WBP1L: variants seen among roughly 807,000 people sequenced by gnomAD.
WBP1L encodes WW domain binding protein 1-like.
In WBP1L, 17 loss-of-function variants were observed where a neutral mutation model predicts 33.7. The ratio of observed to expected loss-of-function variants is 0.50; its 90% CI spans 0.34 to 0.76. The LOEUF (loss-of-function observed/expected upper bound fraction) is 0.76, where lower values mean the gene tolerates loss of function less well. Among genes scored for constraint, WBP1L ranks in the 30% least tolerant of loss-of-function variants. The pLI is 0.01. For synonymous variants in WBP1L, 173 were observed against 190.8 expected (o/e 0.91, Z 0.77); for missense variants, 389 against 469.4 (o/e 0.83, Z 1.58).
At chr10:102,754,905 A>AT (rs1354618299) in intron 1 of WBP1L, among the ~76,000 whole-genome samples, 3 of 149,568 alleles carry the variant, frequency 2.0e-5, no homozygotes, top group Admixed American at 6.7e-5. Context: ...TTATTTATTT[A>AT]TTTTTTGAGA....
chr10:102,778,675 T>G (rs538601501), intron 1 of WBP1L, among the ~76,000 whole-genome samples: 1 of 152,326 alleles, frequency 6.6e-6, no homozygotes, highest in East Asian at 1.9e-4. Flanking sequence ...GGTTACATAT[T>G]TTGTATATTT....
At chr10:102,781,682 A>G (rs1843338672) in intron 1 of WBP1L, among the ~76,000 whole-genome samples, 1 of 152,094 alleles carries the variant, frequency 6.6e-6, no homozygotes, top group Non-Finnish European at 1.5e-5. Flanking sequence ...TTGGAAGGAA[A>G]CTAGCTGTAT....
At chr10:102,778,010 G>A (rs1321382087) in intron 1 of WBP1L, among the ~76,000 whole-genome samples, 2 of 152,222 alleles carry the variant, frequency 1.3e-5, no homozygotes, top group African/African-American at 2.4e-5. Flanking sequence ...AGTGGAAAGA[G>A]TGGGCTGGGA....
At chr10:102,799,809 T>C (rs1018816580) in intron 2 of WBP1L, among the ~76,000 whole-genome samples, 1 of 152,012 alleles carries the variant, frequency 6.6e-6, no homozygotes, top group African/African-American at 2.4e-5. Context: ...AGAAGGACTA[T>C]TGTTTGGTCC....
chr10:102,759,680 G>A (rs1843014906), intron 1 of WBP1L, among the ~76,000 whole-genome samples: 1 of 152,128 alleles, frequency 6.6e-6, no homozygotes, highest in African/African-American at 2.4e-5. Flanking sequence ...GTAGAGATGG[G>A]GGTCTTACTA....
rs116962140 is a variant in WBP1L at position 102,770,804 on chromosome 10, G to C, written c.90+26661G>C. On this transcript the variant is annotated intron_variant, in intron 1 of 3. Coordinates refer to ENST00000448841, the MANE Select transcript of WBP1L (RefSeq NM_001083913.2). The stretch of plus-strand genomic sequence containing the variant: ...CAGAGCGCTGACCAGGGACCTGCCT[G>C]TCTGCTTAACATTCACCTGACCCTC... 8.3e-4 allele frequency among the ~76,000 whole-genome samples: 126 copies of C among 152,322 alleles called. 3 individuals carry two copies. In the East Asian group the frequency reaches 0.023, roughly 27 times the overall value.
rs1301424152 is a variant in WBP1L at position 102,750,526 on chromosome 10, TC to T, written c.90+6384del. Among the ~76,000 whole-genome samples the T allele has an allele frequency of 3.3e-4, 46 of 137,716 alleles. No homozygotes were observed. In the East Asian group the frequency reaches 8.9e-3, roughly 26 times the overall value. 90.3% of individuals were successfully genotyped at this position (137,716 alleles called of 152,430 possible). ...TATCAGTGCTAATTTTAGCATATTT[TC>T]TTTTTTTTTTTCTTTTGAAACGGTG... On this transcript the variant is annotated intron_variant, in intron 1 of 3. Coordinates refer to ENST00000448841, the MANE Select transcript of WBP1L (RefSeq NM_001083913.2).
At chr10:102,809,225 A>C (rs1301724480) in intron 2 of WBP1L, among the ~76,000 whole-genome samples, 1 of 149,568 alleles carries the variant, frequency 6.7e-6, no homozygotes, top group African/African-American at 2.5e-5. Flanking sequence ...TTATAGGTGC[A>C]TGCCATCACG....
At chr10:102,744,317 A>G in intron 1 of WBP1L, 174 bp downstream of exon 1, 1 of 945,286 alleles carries the variant, frequency 1.1e-6, no homozygotes, top group Non-Finnish European at 1.3e-6. Context: ...GACACCTGTG[A>G]CAGTTTTGGT....
intron 1 of WBP1L, among the ~76,000 whole-genome samples, chr10:102,786,257 A>G (rs2134050108): frequency 6.6e-6 from 1 of 152,336 alleles, no homozygotes; most frequent in South Asian, 2.1e-4. Flanking sequence ...CATAGAGAGT[A>G]TAAATAATGT....
intron 2 of WBP1L, 97 bp downstream of exon 2, chr10:102,798,192 TTGGGGACAG>T (rs1008466407): frequency 9.7e-7 from 1 of 1,030,056 alleles, no homozygotes; most frequent in African/African-American, 1.6e-5. Context: ...TCGGATTCTC[TTGGGGACAG>T]TGTTGGTGAG....
rs368069099 is a variant in WBP1L, at chr10:102,784,368, A to G, written c.91-13625A>G. On this transcript the variant is annotated intron_variant, in intron 1 of 3. Transcript: ENST00000448841. ...CCCCCAAGGTTTTCTACATCACTGAAGTCTATTTTAATCTTAAAGTCCAAG... is the reference window on the plus strand; with the variant it reads ...CCCCCAAGGTTTTCTACATCACTGAGGTCTATTTTAATCTTAAAGTCCAAG... Among the ~76,000 whole-genome samples the G allele has an allele frequency of 7.8e-4, 118 of 151,680 alleles. 1 individual carries two copies. The South Asian group carries it at 0.025, about 32-fold the overall frequency.
At position 102,813,086 on chromosome 10, in the gene WBP1L, C is replaced by A; in HGVS notation, c.847C>A (p.His283Asn). 1 of 1,613,888 alleles carries A rather than the reference C, an allele frequency of 6.2e-7. No individual in the cohort carries two copies. Among genetic ancestry groups the A allele is most frequent in the Non-Finnish European group, 8.5e-7 (1 of 1,180,014 alleles). The change falls in exon 4 of 4, where the codon CAT (histidine) becomes AAT (asparagine). Residue 283 changes from histidine to asparagine, a missense_variant. Transcript: ENST00000448841. ...IEVCVCNRGHHDDDLKEFNTL... is the reference protein window; with the variant it reads ...IEVCVCNRGHNDDDLKEFNTL... ...AGTGTGTGTGTGCAACCGGGGCCAC[C>A]ATGACGATGACCTCAAAGAGTTCAA...
intron 1 of WBP1L, among the ~76,000 whole-genome samples, chr10:102,762,497 C>T (rs1843054195): frequency 6.6e-6 from 1 of 152,176 alleles, no homozygotes; most frequent in Admixed American, 6.5e-5. Flanking sequence ...AAGTGCTCTT[C>T]CAATCCCAGC....
chr10:102,753,136 T>C (rs1842940917), intron 1 of WBP1L, among the ~76,000 whole-genome samples: 1 of 152,162 alleles, frequency 6.6e-6, no homozygotes, highest in Non-Finnish European at 1.5e-5. Context: ...CTGGGGCCGC[T>C]GATCCCACTG....
At chr10:102,766,432 ACT>A (rs59286943) in intron 1 of WBP1L, among the ~76,000 whole-genome samples, 22,254 of 121,962 alleles carry the variant, frequency 0.18, 2,302 homozygotes, top group East Asian at 0.47. Flanking sequence ...CAAGAGCGAA[ACT>A]CTGTCTCAAA....
At chr10:102,797,410 G>A (rs1843587608) in intron 1 of WBP1L, among the ~76,000 whole-genome samples, 2 of 152,154 alleles carry the variant, frequency 1.3e-5, no homozygotes, top group East Asian at 3.9e-4. Context: ...GGCAGCCCTT[G>A]CCTGTCCTGT....
At chr10:102,794,772 A>G (rs284844) in intron 1 of WBP1L, among the ~76,000 whole-genome samples, 123,832 of 152,028 alleles carry the variant, frequency 0.81, 51,257 homozygotes, top group Middle Eastern at 0.91. Context: ...GGGGGGTGCG[A>G]GGAGAGCTGG....
At chr10:102,777,543 C>T (rs919212983) in intron 1 of WBP1L, among the ~76,000 whole-genome samples, 1 of 151,582 alleles carries the variant, frequency 6.6e-6, no homozygotes, top group African/African-American at 2.4e-5. Context: ...CCCTTCTGCC[C>T]CCACAAGAAA....
Sources: allele counts gnomAD v4.1 joint callset (sites outside exome capture counted in the v4.1 genomes callset), GRCh38; gene constraint gnomAD v4.1.1; transcripts MANE v1.5; gene names NCBI Gene and HGNC (gene_info 2026-07-23, HGNC 2026-07-21).